NAA16: variants seen among roughly 807,000 people sequenced by gnomAD.
NAA16 encodes the protein N-alpha-acetyltransferase 16, NatA auxiliary subunit.
A neutral mutation model predicts 110.3 loss-of-function variants in NAA16; 97 were observed. That is an observed-to-expected ratio of 0.88 (90% CI 0.75 to 1.04). The LOEUF (loss-of-function observed/expected upper bound fraction) is 1.04, where lower values mean the gene tolerates loss of function less well. Ranked by LOEUF, NAA16 falls within the 50% of genes least tolerant of loss-of-function variation. The pLI is 0.00. For synonymous variants in NAA16, 372 were observed against 330.6 expected (o/e 1.13, Z -1.36); for missense variants, 1,017 against 1,005.1 (o/e 1.01, Z -0.16).
intron 4 of NAA16, among the ~76,000 whole-genome samples, chr13:41,322,788 A>G (rs908642606): frequency 6.6e-6 from 1 of 152,138 alleles, no homozygotes; most frequent in African/African-American, 2.4e-5. Flanking sequence ...AAAAAAAAAA[A>G]TTCTCATTAT....
intron 13 of NAA16, among the ~76,000 whole-genome samples, chr13:41,363,500 G>A (rs1000326246): frequency 5.9e-5 from 9 of 151,976 alleles, no homozygotes; most frequent in African/African-American, 2.2e-4. Context: ...TGACTATATT[G>A]CTTTGTTTTT....
intron 9 of NAA16, among the ~76,000 whole-genome samples, chr13:41,342,083 C>T (rs1210365519): frequency 4.6e-5 from 7 of 151,278 alleles, no homozygotes; most frequent in South Asian, 2.1e-4. Flanking sequence ...CCGCCCGCCT[C>T]GGCCTCCCAA....
At position 41,335,446 on chromosome 13, in the gene NAA16, T is replaced by C. The variant is rs937962059; in HGVS notation, c.908-1204T>C. On this transcript the variant is annotated intron_variant, in intron 8 of 19. Transcript: ENST00000379406. ...CTCTAAGAAACAGCGTCTCTTATTGTCTACCACAATATTGTTAATTTCGTT... is the reference window on the plus strand; with the variant it reads ...CTCTAAGAAACAGCGTCTCTTATTGCCTACCACAATATTGTTAATTTCGTT... Among the ~76,000 whole-genome samples the C allele has an allele frequency of 5.3e-5, 8 of 152,192 alleles. 1 individual carries two copies. The East Asian group carries it at 1.5e-3, about 29-fold the overall frequency.
At chr13:41,330,317 G>T (rs990600284) in intron 7 of NAA16, among the ~76,000 whole-genome samples, 1 of 151,826 alleles carries the variant, frequency 6.6e-6, no homozygotes, top group Non-Finnish European at 1.5e-5. Context: ...TTCAAATGTG[G>T]TGTTTACAAT....
At chr13:41,369,773 T>A (rs1042823949) in intron 15 of NAA16, among the ~76,000 whole-genome samples, 3 of 151,642 alleles carry the variant, frequency 2.0e-5, no homozygotes, top group Admixed American at 6.6e-5. Context: ...AGCTAAGGAG[T>A]GTGGGCAGTC....
chr13:41,339,340 C>T (rs1443101056), intron 9 of NAA16, among the ~76,000 whole-genome samples: 3 of 151,918 alleles, frequency 2.0e-5, no homozygotes, highest in African/African-American at 7.3e-5. Context: ...GGTTTCTCCA[C>T]GTTGGTCAGG....
intron 1 of NAA16, among the ~76,000 whole-genome samples, chr13:41,316,097 C>A (rs1593402580): frequency 1.3e-5 from 2 of 152,026 alleles, no homozygotes; most frequent in East Asian, 1.9e-4. Context: ...ATAAAAAATT[C>A]TGTGGCAGTA....
intron 6 of NAA16, among the ~76,000 whole-genome samples, chr13:41,326,634 A>G (rs1265493799): frequency 6.6e-6 from 1 of 152,146 alleles, no homozygotes; most frequent in East Asian, 1.9e-4. Flanking sequence ...GACTTGCCCA[A>G]AGTCATCCAG....
At chr13:41,349,168 A>G (rs1263231618) in intron 9 of NAA16, among the ~76,000 whole-genome samples, 2 of 149,616 alleles carry the variant, frequency 1.3e-5, no homozygotes, top group Non-Finnish European at 3.0e-5. Flanking sequence ...CTTTTTTCTA[A>G]TTTTTTTTTC....
At position 41,374,774 on chromosome 13, in the gene NAA16, A is replaced by G. The variant is rs183696812; in HGVS notation, c.2332A>G (p.Arg778Gly). ...AKMMYFLDKS[R>G]QEKAIAIATR... ...AATGATGTATTTTCTGGACAAGTCAAGGCAGGAGAAAGCAATTGCTATAGC... is the reference window on the plus strand; with the variant it reads ...AATGATGTATTTTCTGGACAAGTCAGGGCAGGAGAAAGCAATTGCTATAGC... The change falls in exon 19 of 20, where the codon AGG becomes GGG. Residue 778 changes from arginine (R) to glycine (G), a missense_variant. By Grantham distance (125) the Arg-to-Gly change is moderately radical. Transcript: ENST00000379406. 91 of 1,612,878 alleles carry G rather than the reference A, an allele frequency of 5.6e-5. No homozygotes were observed. The Admixed American group carries it at 1.5e-3, about 27-fold the overall frequency.
rs1171714258 is a variant in NAA16 at position 41,355,217 on chromosome 13, G to A, written c.1087+1G>A. 2 of 1,554,692 alleles carry A rather than the reference G, an allele frequency of 1.3e-6. No homozygotes were observed. The highest frequency in any genetic ancestry group is 4.5e-5 in the East Asian group (2 of 44,192). ...ACGTGTGACTTTTTTAGCCCATATG[G>A]TAAGTTTAAATTAGATTGAATTGGA... On this transcript the variant is annotated splice_donor_variant, in intron 10 of 19. Transcript: ENST00000379406. LOFTEE classifies it high-confidence loss of function.
chr13:41,343,485 A>G (rs536527778), intron 9 of NAA16, among the ~76,000 whole-genome samples: 1 of 151,964 alleles, frequency 6.6e-6, no homozygotes, highest in African/African-American at 2.4e-5. Flanking sequence ...TTGACCATAA[A>G]TTTTGTTCTT....
chr13:41,312,650 A>G (rs2041659780), intron 1 of NAA16, among the ~76,000 whole-genome samples: 1 of 152,240 alleles, frequency 6.6e-6, no homozygotes, highest in Non-Finnish European at 1.5e-5. Context: ...TTGTTGCTTA[A>G]CTTTACTATA....
intron 9 of NAA16, among the ~76,000 whole-genome samples, chr13:41,351,657 T>G (rs925625721): frequency 6.6e-6 from 1 of 152,234 alleles, no homozygotes; most frequent in African/African-American, 2.4e-5. Flanking sequence ...TATCTTAGGT[T>G]AGATTTTATT....
intron 9 of NAA16, 97 bp downstream of exon 9, chr13:41,336,853 T>A: frequency 1.6e-6 from 1 of 638,094 alleles, no homozygotes; most frequent in Non-Finnish European, 2.6e-6. Context: ...AATCATTTTC[T>A]TTGTTTCAGT....
intron 9 of NAA16, among the ~76,000 whole-genome samples, chr13:41,339,162 C>CA (rs1288638403): frequency 2.6e-5 from 4 of 151,848 alleles, no homozygotes; most frequent in Non-Finnish European, 5.9e-5. Context: ...GTTTTTGAGT[C>CA]AGAGTTTCGC....
intron 15 of NAA16, among the ~76,000 whole-genome samples, chr13:41,370,436 TA>T (rs1441399760): frequency 6.6e-6 from 1 of 152,192 alleles, no homozygotes; most frequent in Non-Finnish European, 1.5e-5. Context: ...CAGGAAGGGA[TA>T]GGCTAACTGT....
intron 9 of NAA16, among the ~76,000 whole-genome samples, chr13:41,341,578 A>G (rs1240353694): frequency 6.6e-6 from 1 of 151,986 alleles, no homozygotes; most frequent in African/African-American, 2.4e-5. Context: ...TTAGTTGGTC[A>G]TAGTGGCATG....
chr13:41,362,830 G>A (rs1227932419), intron 13 of NAA16: 2 of 1,289,262 alleles, frequency 1.6e-6, no homozygotes, highest in African/African-American at 1.5e-5. Flanking sequence ...CGGCACCACT[G>A]TTCCCATCCT....
Sources: gnomAD v4.1 joint callset for allele counts (sites outside exome capture counted in the v4.1 genomes callset) on GRCh38, gnomAD v4.1.1 for gene constraint, MANE v1.5 for transcripts, NCBI Gene and HGNC (gene_info 2026-07-23, HGNC 2026-07-21) for gene names.